The following ADAMTS16 variants were observed in gnomAD, a reference collection of about 807,000 sequenced individuals.
ADAMTS16 encodes the protein A disintegrin and metalloproteinase with thrombospondin motifs 16.
A neutral mutation model predicts 145.8 loss-of-function variants in ADAMTS16; 94 were observed. The ratio of observed to expected loss-of-function variants is 0.64; its 90% CI spans 0.55 to 0.77. The LOEUF is 0.77. Among genes scored for constraint, ADAMTS16 ranks in the 30% least tolerant of loss-of-function variants. ADAMTS16 has a pLI of 0.00. For synonymous variants in ADAMTS16, 659 were observed against 604.3 expected (o/e 1.09, Z -1.33); for missense variants, 1,585 against 1,591.5 (o/e 1.00, Z 0.07).
intron 17 of ADAMTS16, among the ~76,000 whole-genome samples, chr5:5,254,006 T>C (rs527519417): frequency 3.7e-4 from 56 of 152,330 alleles, no homozygotes; most frequent in Middle Eastern, 3.4e-3. Flanking sequence ...CTATCTCTGT[T>C]CTCTCGTCAG....
At chr5:5,140,854 T>A in intron 2 of ADAMTS16, 88 bp downstream of exon 2, 4 of 1,301,652 alleles carry the variant, frequency 3.1e-6, no homozygotes, top group Non-Finnish European at 4.1e-6. Context: ...CTGTGAATGT[T>A]CACGACTCTG....
intron 18 of ADAMTS16, among the ~76,000 whole-genome samples, chr5:5,298,756 T>C (rs1052527138): frequency 6.6e-6 from 1 of 152,246 alleles, no homozygotes; most frequent in Non-Finnish European, 1.5e-5. Flanking sequence ...TGCTATTTTA[T>C]ATGAAGACAA....
chr5:5,196,865 C>T (rs1031427886), intron 8 of ADAMTS16, among the ~76,000 whole-genome samples: 2 of 152,138 alleles, frequency 1.3e-5, no homozygotes, highest in African/African-American at 4.8e-5. Context: ...AGTAATTTGC[C>T]CAATATCAAG....
intron 4 of ADAMTS16, 49 bp downstream of exon 4, chr5:5,182,354 G>A: frequency 6.4e-7 from 1 of 1,570,650 alleles, no homozygotes; most frequent in East Asian, 2.3e-5. Flanking sequence ...TGACATTTAT[G>A]TAAGCTGATG....
At chr5:5,281,409 T>C (rs887438440) in intron 18 of ADAMTS16, among the ~76,000 whole-genome samples, 1 of 152,354 alleles carries the variant, frequency 6.6e-6, no homozygotes, top group Admixed American at 6.5e-5. Context: ...TTTAAAGTAA[T>C]CAAAATGTTT....
intron 18 of ADAMTS16, among the ~76,000 whole-genome samples, chr5:5,293,529 G>A (rs71596751): frequency 0.086 from 13,124 of 152,190 alleles, 1,139 homozygotes; most frequent in Admixed American, 0.29. Context: ...ACCCCAGGCC[G>A]GGTTTCAGGA....
At chr5:5,161,886 T>G (rs898617766) in intron 3 of ADAMTS16, among the ~76,000 whole-genome samples, 1 of 152,206 alleles carries the variant, frequency 6.6e-6, no homozygotes, top group African/African-American at 2.4e-5. Flanking sequence ...ACAGGGACTG[T>G]GAAAGTTTTA....
chr5:5,141,811 G>C (rs1187407338), intron 2 of ADAMTS16, among the ~76,000 whole-genome samples: 5 of 152,084 alleles, frequency 3.3e-5, no homozygotes, highest in Non-Finnish European at 7.3e-5. Flanking sequence ...TATATAAGGT[G>C]ACCGGTGTCA....
At chr5:5,244,749 T>C (rs1038753349) in intron 17 of ADAMTS16, among the ~76,000 whole-genome samples, 1 of 152,236 alleles carries the variant, frequency 6.6e-6, no homozygotes, top group Non-Finnish European at 1.5e-5. Context: ...CCTGTCTTCC[T>C]TTCATAATAC....
chr5:5,179,809 G>T (rs1735291955), intron 3 of ADAMTS16, among the ~76,000 whole-genome samples: 1 of 152,124 alleles, frequency 6.6e-6, no homozygotes. Flanking sequence ...CCCCCATGGT[G>T]GTGCTGATGG....
intron 17 of ADAMTS16, among the ~76,000 whole-genome samples, chr5:5,261,294 T>A (rs1180452463): frequency 6.6e-6 from 1 of 151,944 alleles, no homozygotes; most frequent in African/African-American, 2.4e-5. Context: ...CATGCCGCCA[T>A]GCCTGGCTAA....
chr5:5,209,351 T>C, intron 10 of ADAMTS16, 105 bp downstream of exon 10: 3 of 1,348,060 alleles, frequency 2.2e-6, no homozygotes, highest in South Asian at 2.8e-5. Flanking sequence ...ACCTACCAAA[T>C]GTCAAATCCT....
chr5:5,154,034 G>A (rs1410316764), intron 3 of ADAMTS16, among the ~76,000 whole-genome samples: 1 of 152,098 alleles, frequency 6.6e-6, no homozygotes, highest in Non-Finnish European at 1.5e-5. Flanking sequence ...GTCATTGAGA[G>A]ATTTTTCTAA....
intron 11 of ADAMTS16, chr5:5,223,623 C>A (rs1560956138): frequency 6.6e-6 from 1 of 151,876 alleles, no homozygotes; most frequent in Admixed American, 6.6e-5. Flanking sequence ...CACATGTACC[C>A]CTGAACCTAA....
chr5:5,177,409 T>A (rs1230425514), intron 3 of ADAMTS16, among the ~76,000 whole-genome samples: 1 of 152,216 alleles, frequency 6.6e-6, no homozygotes. Context: ...AGCCCCGTTG[T>A]CCTTGAAGAC....
At chr5:5,153,743 A>T (rs187690839) in intron 3 of ADAMTS16, among the ~76,000 whole-genome samples, 13 of 152,294 alleles carry the variant, frequency 8.5e-5, no homozygotes, top group African/African-American at 1.9e-4. Context: ...ATTAGAAAAA[A>T]ATATATATAA....
intron 8 of ADAMTS16, among the ~76,000 whole-genome samples, chr5:5,194,107 A>T (rs963280324): frequency 6.6e-6 from 1 of 152,080 alleles, no homozygotes; most frequent in Non-Finnish European, 1.5e-5. Context: ...GTATAAAAAA[A>T]AAATAAAAAT....
chr5:5,172,662 A>G (rs1735073275), intron 3 of ADAMTS16, among the ~76,000 whole-genome samples: 1 of 152,132 alleles, frequency 6.6e-6, no homozygotes, highest in South Asian at 2.1e-4. Context: ...GGCCTAACAT[A>G]TGGTCTGTTC....
At position 5,268,966 on chromosome 5, in the gene ADAMTS16, C is replaced by T. The variant is rs955922283; in HGVS notation, c.2789+6183C>T. ...CCAGCTCAGACTCGCACAAAGGGAA[C>T]CGCTCCCTCCCTTGTTAAGCCATGC... On this transcript the variant is annotated intron_variant, in intron 18 of 22. Transcript: ENST00000274181. Among the ~76,000 whole-genome samples the T allele has an allele frequency of 1.3e-4, 20 of 152,274 alleles. No homozygotes were observed. In the South Asian group the frequency reaches 2.7e-3, roughly 21 times the overall value.
Sources: allele counts gnomAD v4.1 joint callset (sites outside exome capture counted in the v4.1 genomes callset), GRCh38; gene constraint gnomAD v4.1.1; transcripts MANE v1.5; gene names NCBI Gene and HGNC (gene_info 2026-07-23, HGNC 2026-07-21).